GUCY1A1: variants seen among roughly 807,000 people sequenced by gnomAD.
GUCY1A1 encodes the protein guanylate cyclase soluble subunit alpha-1.
A neutral mutation model predicts 64.5 loss-of-function variants in GUCY1A1; 48 were observed. The ratio of observed to expected loss-of-function variants is 0.74; its 90% CI spans 0.59 to 0.95. The LOEUF is 0.95. Ranked by LOEUF, GUCY1A1 falls within the 40% of genes least tolerant of loss-of-function variation. The probability of loss-of-function intolerance (pLI) is 0.00; values close to 1 mark genes in which losing one functional copy is unlikely to be tolerated. For missense variants in GUCY1A1, 804 were observed against 825.3 expected (o/e 0.97, Z 0.32); for synonymous variants, 308 against 303.4 (o/e 1.02, Z -0.16).
At chr4:155,716,052 A>C (rs1008207941) in intron 7 of GUCY1A1, among the ~76,000 whole-genome samples, 3 of 152,148 alleles carry the variant, frequency 2.0e-5, no homozygotes, top group Non-Finnish European at 4.4e-5. Flanking sequence ...TTATCTGCAG[A>C]GAGATTGCTC....
At chr4:155,703,521 GTATTGGCCGCCC>G (rs1731361508) in intron 3 of GUCY1A1, among the ~76,000 whole-genome samples, 4 of 152,200 alleles carry the variant, frequency 2.6e-5, no homozygotes, top group African/African-American at 9.6e-5. Flanking sequence ...TGAGATTGAA[GTATTGGCCGCCC>G]GTCCAGAGGG....
intron 9 of GUCY1A1, chr4:155,722,436 C>A: frequency 7.6e-7 from 1 of 1,315,658 alleles, no homozygotes; most frequent in Non-Finnish European, 9.7e-7. Context: ...ACATAGTCTT[C>A]CATCATTCTT....
intron 7 of GUCY1A1, 77 bp from the exon 8 acceptor site, chr4:155,717,082 T>A: frequency 9.4e-7 from 1 of 1,059,618 alleles, no homozygotes. Flanking sequence ...GCTATATGAC[T>A]TAATTTCTTC....
chr4:155,673,811 G>T (rs373206338), intron 2 of GUCY1A1, among the ~76,000 whole-genome samples: 12 of 151,470 alleles, frequency 7.9e-5, no homozygotes, highest in Non-Finnish European at 2.9e-5. Flanking sequence ...TACACATCTT[G>T]TAGATCTCAA....
At chr4:155,679,374 C>T (rs1408665078) in intron 2 of GUCY1A1, among the ~76,000 whole-genome samples, 2 of 152,144 alleles carry the variant, frequency 1.3e-5, no homozygotes, top group East Asian at 3.9e-4. Context: ...GTTTATTTGG[C>T]TCAATGTTCT....
At chr4:155,717,916 G>A (rs999282727) in intron 8 of GUCY1A1, among the ~76,000 whole-genome samples, 1 of 152,182 alleles carries the variant, frequency 6.6e-6, no homozygotes, top group Non-Finnish European at 1.5e-5. Context: ...TTTAGAAGCT[G>A]CAAGTTAGTT....
rs565060880 is a variant in GUCY1A1, at chr4:155,707,971, T to C, written c.318-265T>C. Among the ~76,000 whole-genome samples the C allele has an allele frequency of 8.5e-5, 13 of 152,112 alleles. No individual in the cohort carries two copies. In the South Asian group the frequency reaches 1.2e-3, roughly 15 times the overall value. On this transcript the variant is annotated intron_variant, in intron 4 of 9. Coordinates refer to ENST00000506455, the MANE Select transcript of GUCY1A1 (RefSeq NM_001130682.3). ...CTTCTGCCTCAGCCTCCCAAGTAGCTGGGATTATAGGCACACGCCACCATG... is the reference window on the plus strand; with the variant it reads ...CTTCTGCCTCAGCCTCCCAAGTAGCCGGGATTATAGGCACACGCCACCATG...
At chr4:155,678,262 T>C (rs1488866301) in intron 2 of GUCY1A1, among the ~76,000 whole-genome samples, 1 of 152,216 alleles carries the variant, frequency 6.6e-6, no homozygotes, top group Non-Finnish European at 1.5e-5. Context: ...AGGTGCATAA[T>C]ATTAGAATAT....
chr4:155,729,914 C>T, intron 9 of GUCY1A1, 116 bp from the exon 10 acceptor site: 1 of 638,390 alleles, frequency 1.6e-6, no homozygotes. Flanking sequence ...TTTTCTGTCA[C>T]TCACACCTAA....
At position 155,731,504 on chromosome 4, in the gene GUCY1A1, T is replaced by TC. The variant is rs1172210440; in HGVS notation, c.*1274dup. The TC allele has an allele frequency of 1.3e-5, 2 of 151,828 alleles. No individual in the cohort carries two copies. The highest frequency in any genetic ancestry group is 2.9e-5 in the Non-Finnish European group (2 of 67,842). 9.4% of individuals were successfully genotyped at this position (151,828 alleles called of 1,614,324 possible). Reference sequence around the variant, plus strand: ...ATGTCTAAGTATTTTTTCCGGAACTTCAACTTTTTCTTTTTGTTTTACATA... The same window carrying TC: ...ATGTCTAAGTATTTTTTCCGGAACTTCCAACTTTTTCTTTTTGTTTTACATA... On this transcript the variant is annotated 3_prime_UTR_variant, in exon 10 of 10. Transcript: ENST00000506455.
At chr4:155,670,865 A>G (rs967959080) in intron 2 of GUCY1A1, among the ~76,000 whole-genome samples, 1 of 152,198 alleles carries the variant, frequency 6.6e-6, no homozygotes, top group African/African-American at 2.4e-5. Flanking sequence ...AGTCGACACG[A>G]GACAATGGCT....
chr4:155,711,884 C>A (rs1732614333), intron 6 of GUCY1A1, among the ~76,000 whole-genome samples: 1 of 151,906 alleles, frequency 6.6e-6, no homozygotes, highest in Admixed American at 6.6e-5. Flanking sequence ...TTTATTATTG[C>A]TTTTCTATCA....
chr4:155,719,655 C>T (rs952784970), intron 8 of GUCY1A1, among the ~76,000 whole-genome samples: 3 of 152,080 alleles, frequency 2.0e-5, no homozygotes, highest in Admixed American at 2.0e-4. Flanking sequence ...TTCATTTATT[C>T]CCATTGATTT....
In GUCY1A1 at chr4:155,708,220, A is replaced by G; in HGVS notation, c.318-16A>G. On this transcript the variant is annotated splice_polypyrimidine_tract_variant and intron_variant, in intron 4 of 9. Coordinates refer to ENST00000506455, the MANE Select transcript of GUCY1A1 (RefSeq NM_001130682.3). ...TATTTATAAGTTTATAACTTAAAAT[A>G]TTGAAATATTTCCAGGAAATCTTTG... 8.0e-7 allele frequency: 1 copy of G among 1,252,632 alleles called. No homozygotes were observed. Among genetic ancestry groups the G allele is most frequent in the South Asian group, 1.2e-5 (1 of 82,890 alleles). 77.6% of individuals were successfully genotyped at this position (1,252,632 alleles called of 1,614,324 possible).
In GUCY1A1 at chr4:155,710,837, C is replaced by T. The variant is rs966280292; in HGVS notation, c.672C>T (p.His224=). 5 of 1,613,942 alleles carry T rather than the reference C, an allele frequency of 3.1e-6. No individual in the cohort carries two copies. The highest frequency in any genetic ancestry group is 2.7e-5 in the African/African-American group (2 of 74,890). ...ILPGIIKAAA[H]VLYETEVEVS... ...CCGGCATCATAAAGGCAGCTGCTCA[C>T]GTATTATATGAAACGGAAGTGGAAG... The change falls in exon 6 of 10, where the codon CAC becomes CAT. Residue 224 remains histidine (H), a synonymous_variant. Coordinates refer to ENST00000506455, the MANE Select transcript of GUCY1A1 (RefSeq NM_001130682.3).
chr4:155,674,307 T>C (rs1402122866), intron 2 of GUCY1A1, among the ~76,000 whole-genome samples: 1 of 150,278 alleles, frequency 6.7e-6, no homozygotes, highest in African/African-American at 2.5e-5. Flanking sequence ...TGAGCCAAGA[T>C]TGCGCCACTG....
At chr4:155,723,260 C>T (rs1471220149) in intron 9 of GUCY1A1, among the ~76,000 whole-genome samples, 2 of 152,128 alleles carry the variant, frequency 1.3e-5, no homozygotes, top group Admixed American at 6.6e-5. Flanking sequence ...AGCTGGTCAT[C>T]GAGCACTTTT....
At chr4:155,695,089 T>C (rs1195930933) in intron 2 of GUCY1A1, among the ~76,000 whole-genome samples, 2 of 152,220 alleles carry the variant, frequency 1.3e-5, no homozygotes, top group Non-Finnish European at 2.9e-5. Flanking sequence ...AAATTATATA[T>C]GAGCATAGAT....
intron 2 of GUCY1A1, among the ~76,000 whole-genome samples, chr4:155,680,849 C>T (rs144118697): frequency 7.5e-4 from 114 of 151,750 alleles, no homozygotes; most frequent in African/African-American, 2.6e-3. Flanking sequence ...TCTGGGATGG[C>T]AGAGGCAGAA....
Sources: gnomAD v4.1 joint callset for allele counts (sites outside exome capture counted in the v4.1 genomes callset) on GRCh38, gnomAD v4.1.1 for gene constraint, MANE v1.5 for transcripts, NCBI Gene and HGNC (gene_info 2026-07-23, HGNC 2026-07-21) for gene names.